The following CEP295 variants were observed in gnomAD, a reference collection of about 807,000 sequenced individuals.
CEP295 encodes centrosomal protein 295, also known as centrosomal protein of 295 kDa.
Under a neutral mutation model 291.6 loss-of-function variants are expected in CEP295, and 190 were observed. The ratio of observed to expected loss-of-function variants is 0.65; its 90% CI spans 0.58 to 0.73. CEP295 has a LOEUF of 0.73. CEP295 is among the 30% of genes least tolerant of loss of function. The pLI is 0.00. For missense variants in CEP295, 2,863 were observed against 2,949.4 expected (o/e 0.97, Z 0.68); for synonymous variants, 993 against 1,038.8 (o/e 0.96, Z 0.85).
rs1950039793 is a variant in CEP295, at chr11:93,662,622, G to T, written c.-27+848G>T. On this transcript the variant is annotated intron_variant, in intron 1 of 29. Coordinates refer to ENST00000325212, the MANE Select transcript of CEP295 (RefSeq NM_033395.2). ...AATAAACAAGTAAATGGGGCAGCAG[G>T]GAAAACTTCCTTACAGCAGGATTCC... Among the ~76,000 whole-genome samples the T allele has an allele frequency of 2.0e-5, 3 of 152,118 alleles. No homozygotes were observed. In the South Asian group the frequency reaches 6.2e-4, roughly 32 times the overall value.
rs1361050094 is a variant in CEP295, at chr11:93,666,741, AG to A, written c.35del (p.Arg12AsnfsTer2). On this transcript the variant is annotated frameshift_variant, in exon 2 of 30. Coordinates refer to ENST00000325212, the MANE Select transcript of CEP295 (RefSeq NM_033395.2). LOFTEE classifies it high-confidence loss of function. ...KRKVVNTHKL[R>X]LSPNEEAFIL... ...AAAAGTCGTGAATACTCACAAGCTG[AG>A]ATTGAGTCCTAATGAGGAAGCCTTC... is the stretch of plus-strand genomic sequence containing the variant. 6.5e-7 allele frequency: 1 copy of A among 1,546,512 alleles called. No homozygotes were observed.
chr11:93,673,854 G>A (rs1294751854), intron 5 of CEP295, among the ~76,000 whole-genome samples: 1 of 152,000 alleles, frequency 6.6e-6, no homozygotes, highest in Non-Finnish European at 1.5e-5. Flanking sequence ...AATTCGTTTG[G>A]TGTGGGGCCA....
chr11:93,690,752 A>T (rs984204580), intron 10 of CEP295, among the ~76,000 whole-genome samples: 2 of 136,792 alleles, frequency 1.5e-5, no homozygotes, highest in African/African-American at 2.6e-5. Context: ...AAAAAAAAAA[A>T]AGATAAAGGG....
In CEP295 at chr11:93,683,996, C is replaced by G; in HGVS notation, c.982C>G (p.Pro328Ala). The change falls in exon 9 of 30, where the codon CCA (proline) becomes GCA (alanine). Residue 328 changes from proline (P) to alanine (A), a missense_variant. Transcript: ENST00000325212. ...VKGNLILHLEPEPLPTVTNQI... is the reference protein window; with the variant it reads ...VKGNLILHLEAEPLPTVTNQI... The stretch of plus-strand genomic sequence containing the variant: ...AGGGAATCTGATTCTGCACCTTGAA[C>G]CAGAGCCCTTGCCCACTGTGACTAA... The G allele has an allele frequency of 6.4e-7, 1 of 1,551,590 alleles. No homozygotes were observed. Among genetic ancestry groups the G allele is most frequent in the Non-Finnish European group, 8.7e-7 (1 of 1,146,994 alleles).
At chr11:93,685,700 CTTTG>C (rs55948111) in intron 9 of CEP295, among the ~76,000 whole-genome samples, 48 of 150,692 alleles carry the variant, frequency 3.2e-4, no homozygotes, top group African/African-American at 7.1e-4. Context: ...TCAGCTGTGT[CTTTG>C]TTTGTTTGTT....
intron 9 of CEP295, among the ~76,000 whole-genome samples, chr11:93,687,010 T>C (rs1000401967): frequency 2.0e-5 from 3 of 152,228 alleles, no homozygotes; most frequent in Non-Finnish European, 4.4e-5. Context: ...TAGAGAACTG[T>C]TCGTATTATA....
At chr11:93,719,101 G>A (rs564926344) in intron 18 of CEP295, among the ~76,000 whole-genome samples, 2 of 31,140 alleles carry the variant, frequency 6.4e-5, no homozygotes, top group East Asian at 1.3e-3. Flanking sequence ...GTGAGACTCC[G>A]TCTCAAAAAA....
intron 17 of CEP295, among the ~76,000 whole-genome samples, chr11:93,705,528 T>C (rs2135178966): frequency 6.6e-6 from 1 of 152,344 alleles, no homozygotes; most frequent in African/African-American, 2.4e-5. Flanking sequence ...TTTTGAACTT[T>C]TGATGATCAA....
chr11:93,691,810 G>T, intron 11 of CEP295, 35 bp downstream of exon 11: 1 of 1,376,762 alleles, frequency 7.3e-7, no homozygotes, highest in South Asian at 1.3e-5. Context: ...AATTAAATTT[G>T]ACTCCTTGCA....
At chr11:93,718,469 T>A (rs1953435330) in intron 18 of CEP295, among the ~76,000 whole-genome samples, 1 of 152,332 alleles carries the variant, frequency 6.6e-6, no homozygotes, top group African/African-American at 2.4e-5. Context: ...CAGTTATTTC[T>A]CTTCCAGCTT....
In CEP295 at chr11:93,722,023, AAC is replaced by A. The variant is rs1176463639; in HGVS notation, c.5924_5925del (p.Thr1975ArgfsTer16). 6.4e-7 allele frequency: 1 copy of A among 1,560,734 alleles called. No homozygotes were observed. The highest frequency in any genetic ancestry group is 1.9e-5 in the Admixed American group (1 of 51,754). ...CACTGGGAGCCTTTTAAGTTATGAA[AAC>A]ACAGATTTGAGCCTTACAGATCCAG... ...VSTGSLLSYE[N>X]TDLSLTDPES... On this transcript the variant is annotated frameshift_variant, in exon 20 of 30. Coordinates refer to ENST00000325212, the MANE Select transcript of CEP295 (RefSeq NM_033395.2). LOFTEE classifies it high-confidence loss of function.
chr11:93,695,607 AAAAAG>A lies in CEP295; in HGVS notation c.1649_1653del (p.Arg550LysfsTer19). On this transcript the variant is annotated frameshift_variant, in exon 13 of 30. Coordinates refer to ENST00000325212, the MANE Select transcript of CEP295 (RefSeq NM_033395.2). LOFTEE classifies it high-confidence loss of function. ...GCTTCAGGGCTCAGCTGGAAGAAGA[AAAAAG>A]AAAAAAAACTCAACCGACTGGGGTA... 6.7e-7 allele frequency: 1 copy of A among 1,496,970 alleles called. No individual in the cohort carries two copies. Among genetic ancestry groups the A allele is most frequent in the Non-Finnish European group, 8.8e-7 (1 of 1,131,486 alleles). 92.7% of individuals were successfully genotyped at this position (1,496,970 alleles called of 1,614,324 possible). A position where few individuals can be genotyped will look rare whatever the true frequency, so the allele number is the denominator to read the frequency against.
chr11:93,681,437 A>T (rs1950959222), intron 7 of CEP295, among the ~76,000 whole-genome samples: 2 of 3,474 alleles, frequency 5.8e-4, no homozygotes, highest in African/African-American at 9.2e-4. Context: ...TTTTTTTGTG[A>T]CAGAGTCTTG....
At chr11:93,695,788 A>G (rs1296195721) in intron 13 of CEP295, 154 bp downstream of exon 13, 1 of 772,088 alleles carries the variant, frequency 1.3e-6, no homozygotes, top group South Asian at 2.1e-5. Flanking sequence ...AGACAGGCAG[A>G]TCACTTCAGG....
In CEP295 at chr11:93,728,789, A is replaced by C. The variant is rs1202155134; in HGVS notation, c.7270A>C (p.Lys2424Gln). The change falls in exon 25 of 30, where the codon AAG becomes CAG. Residue 2424 changes from lysine to glutamine, a missense_variant. This residue lies in a region of CEP295 where 2,295 missense variants were observed against 2,335.7 expected (regional missense o/e 0.98). Coordinates refer to ENST00000325212, the MANE Select transcript of CEP295 (RefSeq NM_033395.2). ...MDFANLTLEE[K>Q]SENEAKCFFQ... ...TTTTGCAAATTTAACCCTAGAAGAG[A>C]AGAGCGAGAATGAAGCAAAATGCTT... 1.5e-5 allele frequency: 23 copies of C among 1,548,544 alleles called. No individual in the cohort carries two copies. Among genetic ancestry groups the C allele is most frequent in the Non-Finnish European group, 1.7e-5 (20 of 1,146,308 alleles).
At chr11:93,720,643 A>T (rs1309185573) in intron 18 of CEP295, among the ~76,000 whole-genome samples, 1 of 151,906 alleles carries the variant, frequency 6.6e-6, no homozygotes, top group African/African-American at 2.4e-5. Flanking sequence ...CAGAGGCTGG[A>T]GTGTGGTGGC....
chr11:93,723,317 A>T, intron 21 of CEP295, 28 bp downstream of exon 21: 1 of 1,407,412 alleles, frequency 7.1e-7, no homozygotes, highest in Non-Finnish European at 9.6e-7. Context: ...CAATACTTTT[A>T]TGTAAATTAA....
intron 1 of CEP295, among the ~76,000 whole-genome samples, chr11:93,662,052 C>G (rs970930118): frequency 2.6e-5 from 4 of 152,186 alleles, no homozygotes; most frequent in African/African-American, 9.6e-5. Flanking sequence ...CACGCAGCCT[C>G]CCCTGTCGCG....
chr11:93,673,589 G>T (rs1950549418), intron 5 of CEP295, among the ~76,000 whole-genome samples: 3 of 151,990 alleles, frequency 2.0e-5, no homozygotes, highest in Admixed American at 1.3e-4. Flanking sequence ...TGCCTCCTGG[G>T]TTCAAGCGAT....
Sources: allele counts gnomAD v4.1 joint callset (sites outside exome capture counted in the v4.1 genomes callset), GRCh38; gene constraint gnomAD v4.1.1; regional missense constraint gnomAD v4.1.1; transcripts MANE v1.5; gene names NCBI Gene and HGNC (gene_info 2026-07-23, HGNC 2026-07-21).